CORIN: variants seen among roughly 807,000 people sequenced by gnomAD.
The protein encoded by CORIN is atrial natriuretic peptide-converting enzyme.
In CORIN, 117 loss-of-function variants were observed where a neutral mutation model predicts 125.3. That is an observed-to-expected ratio of 0.93 (90% CI 0.80 to 1.09). The LOEUF (loss-of-function observed/expected upper bound fraction) is 1.09. Among genes scored for constraint, CORIN ranks in the 50% least tolerant of loss-of-function variants. CORIN has a pLI of 0.00. For synonymous variants in CORIN, 450 were observed against 466.4 expected (o/e 0.96, Z 0.45); for missense variants, 1,253 against 1,306.7 (o/e 0.96, Z 0.63).
chr4:47,706,001 A>G (rs2109767731), intron 5 of CORIN, among the ~76,000 whole-genome samples: 2 of 152,346 alleles, frequency 1.3e-5, no homozygotes, highest in African/African-American at 4.8e-5. Flanking sequence ...TTATTTGTGC[A>G]TTTATTTTAG....
At chr4:47,608,118 C>G (rs1721726370) in intron 19 of CORIN, among the ~76,000 whole-genome samples, 1 of 151,940 alleles carries the variant, frequency 6.6e-6, no homozygotes, top group African/African-American at 2.4e-5. Flanking sequence ...GTCAGGAGTT[C>G]AAGGCCAGCC....
chr4:47,680,383 G>T lies in CORIN; in HGVS notation c.1022-132C>A, dbSNP rs1290559219. ...TACCTTCAATAACATTTCTACAATA[G>T]GTCTGGCCCAATTAAAATGCCACGC... On this transcript the variant is annotated intron_variant, in intron 7 of 21. Transcript: ENST00000273857. 13 of 626,686 alleles carry T rather than the reference G, an allele frequency of 2.1e-5. No homozygotes were observed. In the East Asian group the frequency reaches 3.7e-4, roughly 18 times the overall value. 38.8% of individuals were successfully genotyped at this position (626,686 alleles called of 1,614,324 possible). A position where few individuals can be genotyped will look rare whatever the true frequency, so the allele number is the denominator to read the frequency against.
intron 10 of CORIN, among the ~76,000 whole-genome samples, chr4:47,666,557 C>T (rs868449856): frequency 7.9e-5 from 12 of 152,126 alleles, no homozygotes; most frequent in African/African-American, 1.2e-4. Flanking sequence ...TCCATTCATA[C>T]GCTGAAACTC....
chr4:47,642,031 A>G lies in CORIN; in HGVS notation c.2087T>C (p.Val696Ala). 1.2e-6 allele frequency: 2 copies of G among 1,613,230 alleles called. No individual in the cohort carries two copies. The highest frequency in any genetic ancestry group is 2.2e-5 in the South Asian group (2 of 91,044). Residue 696 changes from valine to alanine, a missense_variant, in exon 16 of 22, where the codon GTG becomes GCG. Transcript: ENST00000273857. ...EWDCVTLSINVNSSSFLMVHR... is the reference protein window; with the variant it reads ...EWDCVTLSINANSSSFLMVHR... ...AACCATCAGAAAGGAAGAGGAGTTCACATTTATAGAGAGGGTCACTAGGGA... is the reference window on the plus strand; with the variant it reads ...AACCATCAGAAAGGAAGAGGAGTTCGCATTTATAGAGAGGGTCACTAGGGA...
intron 19 of CORIN, among the ~76,000 whole-genome samples, chr4:47,609,620 C>A (rs1434286179): frequency 6.6e-6 from 1 of 152,038 alleles, no homozygotes; most frequent in Non-Finnish European, 1.5e-5. Flanking sequence ...TTTTAAGTTC[C>A]GGGATACATG....
rs1310481194 is a variant in CORIN at position 47,744,559 on chromosome 4, G to A, written c.642C>T (p.Ser214=). 1.2e-6 allele frequency: 2 copies of A among 1,607,906 alleles called. No individual in the cohort carries two copies. The highest frequency in any genetic ancestry group is 1.7e-4 in the Middle Eastern group (1 of 6,026). Residue 214 remains serine, a synonymous_variant, in exon 5 of 22, where the codon TCC becomes TCT. Transcript: ENST00000273857. The part of the protein sequence containing the change: ...DDSHGLLPCR[S]FCEAAKEGCE... ...AGCCTTCTTTTGCAGCCTCACAGAA[G>A]GACCTACAGGGCAGGAGTCCATGAC...
intron 3 of CORIN, among the ~76,000 whole-genome samples, chr4:47,766,416 T>A (rs1729743464): frequency 6.6e-6 from 1 of 152,120 alleles, no homozygotes; most frequent in South Asian, 2.1e-4. Flanking sequence ...CTCTTACTAT[T>A]TCTTAAGAAC....
chr4:47,724,528 A>G lies in CORIN; in HGVS notation c.799+19874T>C, dbSNP rs182626304. On this transcript the variant is annotated intron_variant, in intron 5 of 21. Transcript: ENST00000273857. ...AAAGAAAGATATAAATTTAGACTCA[A>G]GAACCTAAATCTTTGGAATTTTTTT... is the stretch of plus-strand genomic sequence containing the variant. Among the ~76,000 whole-genome samples, 9 of 152,314 alleles carry G rather than the reference A, an allele frequency of 5.9e-5. No individual in the cohort carries two copies. The East Asian group carries it at 1.3e-3, about 23-fold the overall frequency.
intron 5 of CORIN, among the ~76,000 whole-genome samples, chr4:47,726,975 A>C (rs1727620392): frequency 6.6e-6 from 1 of 152,034 alleles, no homozygotes. Flanking sequence ...AGCTAAACAA[A>C]GTGCCTCAAA....
chr4:47,717,977 A>T (rs1054324580), intron 5 of CORIN, among the ~76,000 whole-genome samples: 2 of 152,126 alleles, frequency 1.3e-5, no homozygotes, highest in Non-Finnish European at 2.9e-5. Flanking sequence ...GAGAAGGAGG[A>T]ACAGAGATGG....
intron 5 of CORIN, among the ~76,000 whole-genome samples, chr4:47,710,709 C>T (rs561500850): frequency 9.2e-5 from 14 of 152,352 alleles, no homozygotes; most frequent in Admixed American, 6.5e-4. Flanking sequence ...CCTGTAATTA[C>T]CAGCTGAAGA....
At chr4:47,630,173 A>G (rs1027093305) in intron 16 of CORIN, among the ~76,000 whole-genome samples, 3 of 152,220 alleles carry the variant, frequency 2.0e-5, no homozygotes, top group Non-Finnish European at 4.4e-5. Context: ...CAAAAGTATG[A>G]TTTTGGAATA....
intron 4 of CORIN, among the ~76,000 whole-genome samples, chr4:47,759,124 T>C (rs1055215458): frequency 6.6e-6 from 1 of 152,142 alleles, no homozygotes; most frequent in African/African-American, 2.4e-5. Flanking sequence ...TTTCATGCAA[T>C]GGAGAAAAGA....
chr4:47,680,317 T>TC, intron 7 of CORIN, 66 bp from the exon 8 acceptor site: 5 of 1,084,618 alleles, frequency 4.6e-6, no homozygotes, highest in Non-Finnish European at 7.0e-6. Context: ...ATTCTATGGC[T>TC]CCCAGTTCCC....
intron 1 of CORIN, among the ~76,000 whole-genome samples, chr4:47,807,461 C>T (rs575071061): frequency 1.3e-5 from 2 of 152,232 alleles, no homozygotes; most frequent in South Asian, 4.1e-4. Flanking sequence ...GAATATTATC[C>T]AGACTTCATT....
intron 16 of CORIN, 74 bp downstream of exon 16, chr4:47,641,846 T>C (rs17462783): frequency 0.082 from 127,772 of 1,551,960 alleles, 5,790 homozygotes; most frequent in African/African-American, 0.14. Flanking sequence ...CTGTGCATCC[T>C]AAGGAAGATA....
chr4:47,721,188 A>G (rs1436726155), intron 5 of CORIN, among the ~76,000 whole-genome samples: 1 of 151,874 alleles, frequency 6.6e-6, no homozygotes, highest in African/African-American at 2.4e-5. Context: ...GAGAGAGAGC[A>G]CACAAGAGCG....
chr4:47,680,128 T>G lies in CORIN; in HGVS notation c.1132+13A>C. On this transcript the variant is annotated intron_variant, in intron 8 of 21. Transcript: ENST00000273857. ...GGAAAAATAAGCAAAACAAACGTCC[T>G]CAGAGCACTCACAGCAGTTGACCTC... The G allele has an allele frequency of 1.3e-6, 2 of 1,569,258 alleles. No individual in the cohort carries two copies. Among genetic ancestry groups the G allele is most frequent in the South Asian group, 2.2e-5 (2 of 90,228 alleles).
intron 4 of CORIN, among the ~76,000 whole-genome samples, chr4:47,759,426 C>A (rs1245414688): frequency 1.3e-5 from 2 of 151,976 alleles, no homozygotes; most frequent in Non-Finnish European, 2.9e-5. Flanking sequence ...GAAGAGACAA[C>A]CTATGGAATG....
Sources: gnomAD v4.1 joint callset for allele counts (sites outside exome capture counted in the v4.1 genomes callset) on GRCh38, gnomAD v4.1.1 for gene constraint, MANE v1.5 for transcripts, NCBI Gene and HGNC (gene_info 2026-07-23, HGNC 2026-07-21) for gene names.